Variants in SMARCA1 observed in about 807,000 individuals in gnomAD.
SMARCA1 encodes the protein SNF2 related chromatin remodeling ATPase 1, also known as SWI/SNF-related matrix-associated actin-dependent regulator of chromatin subfamily A member 1.
A neutral mutation model predicts 93.6 loss-of-function variants in SMARCA1; 17 were observed. The observed-to-expected ratio is 0.18, with a 90% CI of 0.12 to 0.27. The LOEUF is 0.27. Ranked by LOEUF, SMARCA1 falls within the 10% of genes least tolerant of loss-of-function variation. SMARCA1 has a pLI of 1.00. For synonymous variants in SMARCA1, 271 were observed against 271.4 expected, an observed-to-expected ratio of 1.00 and a Z score of 0.01; for missense variants, 630 against 819.0, an observed-to-expected ratio of 0.77 and a Z score of 2.82.
intron 23 of SMARCA1, among the ~76,000 whole-genome samples, chrX:129,451,611 G>A (rs919340878): frequency 5.4e-5 from 6 of 110,387 alleles, no homozygotes; most frequent in African/African-American, 1.6e-4. Context: ...AATCTAAGAC[G>A]CTACAGAAAG....
chrX:129,496,842 T>C lies in SMARCA1; in HGVS notation c.1534A>G (p.Thr512Ala). 1 of 1,204,440 alleles carries C rather than the reference T, an allele frequency of 8.3e-7. No homozygotes were observed. Among genetic ancestry groups the C allele is most frequent in the Non-Finnish European group, 1.1e-6 (1 of 890,095 alleles). ...TCTTCCAAAATATCCAGCAAGCGAGTCATCTGGCTGAAAATGAGAACCCTT... is the reference window on the plus strand; with the variant it reads ...TCTTCCAAAATATCCAGCAAGCGAGCCATCTGGCTGAAAATGAGAACCCTT... ...GSRVLIFSQM[T>A]RLLDILEDYC... The change falls in exon 12 of 25, where the codon ACT becomes GCT. Residue 512 changes from threonine to alanine, a missense_variant. This residue lies in a region of SMARCA1 where 382 missense variants were observed against 537.9 expected (regional missense o/e 0.71). Coordinates refer to ENST00000371121, the MANE Select transcript of SMARCA1 (RefSeq NM_001282874.2).
chrX:129,488,514 G>A (rs1272085316), intron 16 of SMARCA1, among the ~76,000 whole-genome samples: 2 of 106,470 alleles, frequency 1.9e-5, no homozygotes, highest in Non-Finnish European at 3.9e-5. Flanking sequence ...AGGCTGAGGT[G>A]GGAGGATCAC....
At chrX:129,472,107 G>A (rs1933153859) in intron 19 of SMARCA1, among the ~76,000 whole-genome samples, 1 of 111,921 alleles carries the variant, frequency 8.9e-6, no homozygotes, top group African/African-American at 3.2e-5. Context: ...GAGCCTCAGT[G>A]TATCACAGTG....
At chrX:129,507,743 G>A (rs1261183925) in intron 7 of SMARCA1, among the ~76,000 whole-genome samples, 198 bp downstream of exon 7, 1 of 111,711 alleles carries the variant, frequency 9.0e-6, no homozygotes, top group African/African-American at 3.3e-5. Flanking sequence ...TAGTAGAGAC[G>A]GGGTTTCACC....
intron 23 of SMARCA1, among the ~76,000 whole-genome samples, chrX:129,462,609 A>G (rs1932825348): frequency 8.9e-6 from 1 of 111,936 alleles, no homozygotes; most frequent in Non-Finnish European, 1.9e-5. Context: ...AAAATTTAAT[A>G]CGATAGAAAA....
At chrX:129,522,521 GT>G (rs1935432441) in intron 1 of SMARCA1, among the ~76,000 whole-genome samples, 1 of 81,986 alleles carries the variant, frequency 1.2e-5, no homozygotes, top group African/African-American at 4.7e-5. Flanking sequence ...CGGTTCCTCA[GT>G]TTGGGGGGGC....
intron 14 of SMARCA1, among the ~76,000 whole-genome samples, chrX:129,491,141 C>T (rs965765291): frequency 7.2e-5 from 8 of 111,888 alleles, no homozygotes; most frequent in African/African-American, 2.6e-4. Flanking sequence ...CAATCCCTTT[C>T]AATTCTCTAT....
chrX:129,492,291 G>A (rs1934157618), intron 13 of SMARCA1, among the ~76,000 whole-genome samples, 198 bp from the exon 14 acceptor site: 1 of 111,329 alleles, frequency 9.0e-6, no homozygotes, highest in South Asian at 3.7e-4. Flanking sequence ...ATACTGTACT[G>A]TGTGAATTTC....
chrX:129,488,847 G>T, intron 16 of SMARCA1, 90 bp downstream of exon 16: 2 of 557,093 alleles, frequency 3.6e-6, no homozygotes, highest in Non-Finnish European at 2.9e-6. Context: ...AGATAATGCA[G>T]ATAAACATGT....
In SMARCA1 at chrX:129,516,480, C is replaced by G. The variant is rs775120225; in HGVS notation, c.279G>C (p.Lys93Asn). The G allele has an allele frequency of 4.2e-6, 5 of 1,202,430 alleles. No homozygotes were observed. In the South Asian group the frequency reaches 5.5e-5, roughly 13 times the overall value. Residue 93 changes from lysine to asparagine, a missense_variant, in exon 3 of 25, where the codon AAG becomes AAC. Physicochemically the swap from Lys to Asn is moderately conservative, Grantham distance 94. Transcript: ENST00000371121. ...YEEKMKADRAKRFEFLLKQTE... is the reference protein window; with the variant it reads ...YEEKMKADRANRFEFLLKQTE... ...TCTGCTTCAGTAAAAATTCAAATCT[C>G]TTTGCTCGGTCGGCTTTCTAATTTG...
Position 129,449,252 on chromosome X carries a change from C to G in SMARCA1, c.3031-809G>C, listed in dbSNP as rs148183415. On this transcript the variant is annotated intron_variant, in intron 23 of 24. Transcript: ENST00000371121. ...TGGTCAAAATAAGTTTTGGAAGTAC[C>G]CAGTTTACAAAAGTTAAACAGATTT... Among the ~76,000 whole-genome samples the G allele has an allele frequency of 8.3e-3, 925 of 111,422 alleles. 8 individuals are homozygous for G. The highest frequency in any genetic ancestry group is 0.012 in the Admixed American group (123 of 10,484).
chrX:129,461,919 T>C (rs994944315), intron 23 of SMARCA1, among the ~76,000 whole-genome samples: 3 of 111,699 alleles, frequency 2.7e-5, no homozygotes, highest in Non-Finnish European at 3.8e-5. Flanking sequence ...ATTTTCTCTT[T>C]TGTATAGCTA....
At chrX:129,503,216 T>C (rs1172820241) in intron 9 of SMARCA1, among the ~76,000 whole-genome samples, 1 of 112,167 alleles carries the variant, frequency 8.9e-6, no homozygotes, top group Non-Finnish European at 1.9e-5. Context: ...AAGGCCATGC[T>C]GAAGGATCAC....
chrX:129,505,959 C>A, intron 8 of SMARCA1, 121 bp downstream of exon 8: 1 of 558,377 alleles, frequency 1.8e-6, no homozygotes, highest in Non-Finnish European at 2.8e-6. Context: ...CTAAGAAAAC[C>A]AAAACATGCA....
At chrX:129,481,499 C>T (rs777609305) in intron 17 of SMARCA1, among the ~76,000 whole-genome samples, 7 of 111,732 alleles carry the variant, frequency 6.3e-5, no homozygotes, top group South Asian at 3.8e-4. Flanking sequence ...CTAATATAGA[C>T]GGAAGAGTAA....
intron 4 of SMARCA1, 53 bp downstream of exon 4, chrX:129,515,841 A>G (rs12843204): frequency 8.6e-7 from 1 of 1,157,742 alleles, no homozygotes. Context: ...CTCAAGTAAA[A>G]TTTTTCTAAA....
At chrX:129,522,828 A>C (rs1431091180) in intron 1 of SMARCA1, among the ~76,000 whole-genome samples, 1 of 111,162 alleles carries the variant, frequency 9.0e-6, no homozygotes, top group African/African-American at 3.3e-5. Flanking sequence ...GAGCGAGAGG[A>C]GAGGGAGAGG....
intron 23 of SMARCA1, among the ~76,000 whole-genome samples, chrX:129,464,893 T>C (rs767325124): frequency 2.2e-4 from 25 of 111,861 alleles, no homozygotes; most frequent in Admixed American, 7.6e-4. Context: ...AATCTTACAA[T>C]GAGTAATGAG....
chrX:129,489,179 C>T, intron 15 of SMARCA1, 94 bp from the exon 16 acceptor site: 1 of 544,065 alleles, frequency 1.8e-6, no homozygotes, highest in Middle Eastern at 3.5e-4. Flanking sequence ...TTTAACCACA[C>T]ATAAAGCTTT....
Sources: allele counts gnomAD v4.1 joint callset (sites outside exome capture counted in the v4.1 genomes callset), GRCh38; gene constraint gnomAD v4.1.1; regional missense constraint gnomAD v4.1.1; transcripts MANE v1.5; gene names NCBI Gene and HGNC (gene_info 2026-07-23, HGNC 2026-07-21).